Variants in LHFPL6 observed in about 807,000 individuals in gnomAD.
The protein encoded by LHFPL6 is LHFPL tetraspan subfamily member 6 protein.
Under a neutral mutation model 20.6 loss-of-function variants are expected in LHFPL6, and 9 were observed. That is an observed-to-expected ratio of 0.44 (90% CI 0.26 to 0.76). The LOEUF is 0.76. Among genes scored for constraint, LHFPL6 ranks in the 30% least tolerant of loss-of-function variants. The pLI is 0.20. For synonymous variants in LHFPL6, 105 were observed against 98.7 expected (o/e 1.06, Z -0.38); for missense variants, 218 against 253.5 (o/e 0.86, Z 0.95).
intron 2 of LHFPL6, among the ~76,000 whole-genome samples, chr13:39,572,524 T>C (rs1871959660): frequency 6.6e-6 from 1 of 152,188 alleles, no homozygotes; most frequent in South Asian, 2.1e-4. Flanking sequence ...CTTTAAGAAG[T>C]AAAAGCTTTA....
intron 2 of LHFPL6, among the ~76,000 whole-genome samples, chr13:39,461,745 C>A (rs1320845286): frequency 1.3e-5 from 2 of 152,098 alleles, no homozygotes; most frequent in Admixed American, 6.5e-5. Context: ...CTGGGAAAGT[C>A]AAAATAAAAA....
intron 2 of LHFPL6, among the ~76,000 whole-genome samples, chr13:39,450,885 C>T (rs1182327560): frequency 6.6e-6 from 1 of 151,798 alleles, no homozygotes; most frequent in Non-Finnish European, 1.5e-5. Context: ...CAGTAGGGAC[C>T]CTGAACTGCA....
chr13:39,362,375 T>C (rs1869896749), intron 3 of LHFPL6, among the ~76,000 whole-genome samples: 1 of 152,256 alleles, frequency 6.6e-6, no homozygotes. Context: ...TCCCCTGCCA[T>C]GCTTCCTCCA....
intron 2 of LHFPL6, among the ~76,000 whole-genome samples, chr13:39,399,859 C>T (rs1593298201): frequency 1.3e-5 from 2 of 152,190 alleles, no homozygotes; most frequent in South Asian, 2.1e-4. Flanking sequence ...TTTGGGAGAC[C>T]GAGGCAGGTG....
At chr13:39,358,268 C>G (rs1443681766) in intron 3 of LHFPL6, among the ~76,000 whole-genome samples, 1 of 152,090 alleles carries the variant, frequency 6.6e-6, no homozygotes, top group Non-Finnish European at 1.5e-5. Flanking sequence ...TGATCTTTGG[C>G]AAAGTAAACA....
At chr13:39,526,179 A>G (rs1870280839) in intron 2 of LHFPL6, among the ~76,000 whole-genome samples, 1 of 152,242 alleles carries the variant, frequency 6.6e-6, no homozygotes, top group Non-Finnish European at 1.5e-5. Flanking sequence ...TGTAAGCCCC[A>G]GGAACTTATT....
chr13:39,515,032 T>C (rs1271883205), intron 2 of LHFPL6, among the ~76,000 whole-genome samples: 1 of 152,238 alleles, frequency 6.6e-6, no homozygotes, highest in African/African-American at 2.4e-5. Flanking sequence ...TTGAGGACCA[T>C]CCGAGCCACT....
chr13:39,480,949 A>G (rs989570771), intron 2 of LHFPL6, among the ~76,000 whole-genome samples: 25 of 152,338 alleles, frequency 1.6e-4, no homozygotes, highest in African/African-American at 6.0e-4. Context: ...TAAGAACAAA[A>G]CACAAGTTAC....
chr13:39,376,884 TA>T (rs1425159043), intron 3 of LHFPL6, among the ~76,000 whole-genome samples: 1 of 152,188 alleles, frequency 6.6e-6, no homozygotes, highest in Non-Finnish European at 1.5e-5. Flanking sequence ...CATGCTACCG[TA>T]AAATGCAGCA....
intron 3 of LHFPL6, among the ~76,000 whole-genome samples, chr13:39,351,962 C>T (rs150371848): frequency 3.9e-5 from 6 of 152,244 alleles, no homozygotes; most frequent in African/African-American, 1.2e-4. Context: ...GCCTGATTTG[C>T]GAATTGTTCA....
At chr13:39,467,399 G>A (rs968945507) in intron 2 of LHFPL6, among the ~76,000 whole-genome samples, 20 of 152,064 alleles carry the variant, frequency 1.3e-4, no homozygotes, top group African/African-American at 4.6e-4. Context: ...AAGTCCACAG[G>A]GTTAAGGAAT....
intron 2 of LHFPL6, among the ~76,000 whole-genome samples, chr13:39,464,678 C>T (rs1872758944): frequency 6.8e-6 from 1 of 146,036 alleles, no homozygotes; most frequent in Non-Finnish European, 1.5e-5. Context: ...ATAAATTTAA[C>T]TATTGGGGGA....
chr13:39,512,822 T>G (rs1869771890), intron 2 of LHFPL6, among the ~76,000 whole-genome samples: 1 of 152,212 alleles, frequency 6.6e-6, no homozygotes, highest in African/African-American at 2.4e-5. Context: ...AAGATAAGTA[T>G]CTATTAAGAG....
intron 2 of LHFPL6, among the ~76,000 whole-genome samples, chr13:39,379,502 T>C (rs142526010): frequency 6.6e-6 from 1 of 152,134 alleles, no homozygotes. Context: ...TCCATTAATA[T>C]GGTAACGTGG....
At chr13:39,580,355 T>C (rs1197638958) in intron 2 of LHFPL6, among the ~76,000 whole-genome samples, 1 of 152,122 alleles carries the variant, frequency 6.6e-6, no homozygotes, top group Non-Finnish European at 1.5e-5. Flanking sequence ...TTATGATCTG[T>C]GGAGGTCAAA....
rs1279631162 is a variant in LHFPL6 at position 39,419,193 on chromosome 13, C to G, written c.386-40667G>C. Among the ~76,000 whole-genome samples the G allele has an allele frequency of 4.6e-5, 7 of 152,272 alleles. No individual in the cohort carries two copies. The East Asian group carries it at 1.2e-3, about 25-fold the overall frequency. ...CACTCCCTTTTGTCCTGACCCCAAT[C>G]TTGCTTATGAAAGAGAACACTTTTA... is the stretch of plus-strand genomic sequence containing the variant. On this transcript the variant is annotated intron_variant, in intron 2 of 3. Coordinates refer to ENST00000379589, the MANE Select transcript of LHFPL6 (RefSeq NM_005780.3).
chr13:39,479,639 G>C (rs1868437070), intron 2 of LHFPL6, among the ~76,000 whole-genome samples: 1 of 152,162 alleles, frequency 6.6e-6, no homozygotes, highest in African/African-American at 2.4e-5. Flanking sequence ...AACATGTTTT[G>C]AGTCTTTGTG....
intron 2 of LHFPL6, among the ~76,000 whole-genome samples, chr13:39,500,042 G>T (rs1869239969): frequency 6.6e-6 from 1 of 151,458 alleles, no homozygotes; most frequent in Admixed American, 6.6e-5. Context: ...TCTCTTACCA[G>T]TTGGGTCCTT....
chr13:39,570,809 C>T (rs969473192), intron 2 of LHFPL6, among the ~76,000 whole-genome samples: 5 of 152,004 alleles, frequency 3.3e-5, no homozygotes, highest in Admixed American at 1.3e-4. Flanking sequence ...GGGCATGCCA[C>T]GTGTGTGTTT....
Sources: gnomAD v4.1 joint callset for allele counts (sites outside exome capture counted in the v4.1 genomes callset) on GRCh38, gnomAD v4.1.1 for gene constraint, MANE v1.5 for transcripts, NCBI Gene and HGNC (gene_info 2026-07-23, HGNC 2026-07-21) for gene names.